Variants in MACROD2 observed in about 807,000 individuals in gnomAD.
The protein encoded by MACROD2 is mono-ADP ribosylhydrolase 2.
MACROD2 carries 36 observed loss-of-function variants against 70.4 expected under a neutral mutation model. The ratio of observed to expected loss-of-function variants is 0.51; its 90% CI spans 0.39 to 0.68. The LOEUF (loss-of-function observed/expected upper bound fraction) is 0.68. Among genes scored for constraint, MACROD2 ranks in the 30% least tolerant of loss-of-function variants. The probability of loss-of-function intolerance (pLI) is 0.00; values close to 1 mark genes in which losing one functional copy is unlikely to be tolerated. For synonymous variants in MACROD2, 172 were observed against 178.8 expected, an observed-to-expected ratio of 0.96 and a Z score of 0.30; for missense variants, 496 against 538.4, an observed-to-expected ratio of 0.92 and a Z score of 0.78.
At chr20:15,835,629 T>C (rs1356807402) in intron 8 of MACROD2, among the ~76,000 whole-genome samples, 1 of 152,020 alleles carries the variant, frequency 6.6e-6, no homozygotes, top group African/African-American at 2.4e-5. Flanking sequence ...TATCTATTTG[T>C]AAGTGATAGA....
At chr20:15,643,955 G>A (rs2049501164) in intron 8 of MACROD2, among the ~76,000 whole-genome samples, 2 of 152,140 alleles carry the variant, frequency 1.3e-5, no homozygotes, top group East Asian at 3.8e-4. Flanking sequence ...AGAGGATGGA[G>A]GTGGGAATAA....
At chr20:15,246,348 T>A (rs1470091459) in intron 6 of MACROD2, among the ~76,000 whole-genome samples, 2 of 152,132 alleles carry the variant, frequency 1.3e-5, no homozygotes, top group Admixed American at 6.6e-5. Flanking sequence ...AAACCTGAGT[T>A]TTTTAGGGGC....
chr20:14,051,354 A>G (rs571822039), intron 2 of MACROD2, among the ~76,000 whole-genome samples: 2 of 152,324 alleles, frequency 1.3e-5, no homozygotes, highest in South Asian at 4.1e-4. Flanking sequence ...TTAAATTTAC[A>G]CATAATCTCC....
Position 15,395,932 on chromosome 20 carries a change from A to G in MACROD2, c.541-35473A>G, listed in dbSNP as rs912032818. Among the ~76,000 whole-genome samples the G allele has an allele frequency of 2.0e-5, 3 of 152,146 alleles. No individual in the cohort carries two copies. In the South Asian group the frequency reaches 6.2e-4, roughly 32 times the overall value. On this transcript the variant is annotated intron_variant, in intron 6 of 17. Transcript: ENST00000684519. ...CATGGTATTACATAAATGCTCTCCC[A>G]TTCCTCTTCTATTGCAACTTGCTGA... is the stretch of plus-strand genomic sequence containing the variant.
chr20:15,893,506 G>C, intron 10 of MACROD2: 2 of 355,378 alleles, frequency 5.6e-6, no homozygotes, highest in Non-Finnish European at 1.1e-5. Flanking sequence ...GCATTGAATG[G>C]GCAGGTCCCA....
chr20:15,346,501 G>A (rs756102348), intron 6 of MACROD2, among the ~76,000 whole-genome samples: 3 of 152,170 alleles, frequency 2.0e-5, no homozygotes, highest in Non-Finnish European at 4.4e-5. Flanking sequence ...AGTCCAGTGA[G>A]CTGAACTAGG....
intron 3 of MACROD2, among the ~76,000 whole-genome samples, chr20:14,464,746 G>A (rs1231131830): frequency 4.6e-5 from 7 of 151,942 alleles, no homozygotes; most frequent in Admixed American, 1.3e-4. Flanking sequence ...CTTTGTTCTC[G>A]TTGGTTTCAA....
chr20:14,553,408 C>CTTTT (rs34162149), intron 4 of MACROD2, among the ~76,000 whole-genome samples: 4 of 127,868 alleles, frequency 3.1e-5, no homozygotes, highest in Non-Finnish European at 5.0e-5. Context: ...TTCTAGTTAA[C>CTTTT]TTTTTTTTTT....
chr20:14,550,297 C>G (rs1978568357), intron 4 of MACROD2, among the ~76,000 whole-genome samples: 1 of 152,098 alleles, frequency 6.6e-6, no homozygotes, highest in Non-Finnish European at 1.5e-5. Context: ...TTCCCTGTCC[C>G]TTCCTTCCCT....
chr20:15,128,990 A>G (rs2076086129), intron 5 of MACROD2, among the ~76,000 whole-genome samples: 1 of 151,946 alleles, frequency 6.6e-6, no homozygotes, highest in Admixed American at 6.6e-5. Context: ...GGGTATTTGG[A>G]AGAGTGGAGA....
intron 5 of MACROD2, among the ~76,000 whole-genome samples, chr20:14,981,021 A>AGTGTGTGTGTGTGTGTGTGT (rs11468972): frequency 4.9e-5 from 7 of 143,748 alleles, no homozygotes; most frequent in African/African-American, 1.8e-4. Context: ...TACAAAAAGA[A>AGTGTGTGTGTGTGTGTGTGT]GTGTGTGTGT....
At chr20:14,599,382 G>C (rs1011534329) in intron 4 of MACROD2, among the ~76,000 whole-genome samples, 2 of 152,124 alleles carry the variant, frequency 1.3e-5, no homozygotes, top group African/African-American at 4.8e-5. Context: ...TGCATGATTG[G>C]GACTTTGGAG....
At chr20:14,541,792 A>G (rs374690098) in intron 4 of MACROD2, among the ~76,000 whole-genome samples, 5 of 152,200 alleles carry the variant, frequency 3.3e-5, no homozygotes, top group African/African-American at 1.2e-4. Context: ...AGCATATGGT[A>G]TATCTGGTAT....
At chr20:14,344,119 T>G (rs1480806353) in intron 3 of MACROD2, among the ~76,000 whole-genome samples, 1 of 152,192 alleles carries the variant, frequency 6.6e-6, no homozygotes, top group Non-Finnish European at 1.5e-5. Flanking sequence ...ATGCTTAATG[T>G]TGAAAGAAAC....
intron 8 of MACROD2, among the ~76,000 whole-genome samples, chr20:15,664,204 A>T (rs2049864473): frequency 6.6e-6 from 1 of 152,208 alleles, no homozygotes; most frequent in South Asian, 2.1e-4. Flanking sequence ...GAAGATTCAG[A>T]CAAGTCTCAC....
At chr20:14,106,620 C>A (rs2054372587) in intron 3 of MACROD2, among the ~76,000 whole-genome samples, 1 of 152,108 alleles carries the variant, frequency 6.6e-6, no homozygotes, top group African/African-American at 2.4e-5. Flanking sequence ...GGGCCTTGGG[C>A]AGGACCTGGT....
chr20:15,556,001 T>C lies in MACROD2; in HGVS notation c.645+56154T>C, dbSNP rs114189227. On this transcript the variant is annotated intron_variant, in intron 8 of 17. Coordinates refer to ENST00000684519, the MANE Select transcript of MACROD2 (RefSeq NM_001351661.2). The stretch of plus-strand genomic sequence containing the variant: ...CAGGATTCGTTGCCTGATCTTTATT[T>C]CTCTCAGGTCCTAAATGGGACTCTT... Among the ~76,000 whole-genome samples the C allele has an allele frequency of 8.4e-3, 1,277 of 152,238 alleles. 25 individuals carry two copies. Among genetic ancestry groups the C allele is most frequent in the African/African-American group, 0.029 (1,216 of 41,538 alleles).
At chr20:14,561,180 T>C (rs1979408540) in intron 4 of MACROD2, among the ~76,000 whole-genome samples, 1 of 152,038 alleles carries the variant, frequency 6.6e-6, no homozygotes, top group African/African-American at 2.4e-5. Flanking sequence ...TGTATTGTTA[T>C]AATTTGTATG....
chr20:14,409,952 A>G (rs1342312700), intron 3 of MACROD2, among the ~76,000 whole-genome samples: 1 of 152,116 alleles, frequency 6.6e-6, no homozygotes, highest in African/African-American at 2.4e-5. Context: ...CTGTGTAGGT[A>G]GACATGAAAG....
Sources: allele counts gnomAD v4.1 joint callset (sites outside exome capture counted in the v4.1 genomes callset), GRCh38; gene constraint gnomAD v4.1.1; transcripts MANE v1.5; gene names NCBI Gene and HGNC (gene_info 2026-07-23, HGNC 2026-07-21).